The following KIRREL3 variants were observed in gnomAD, a reference collection of about 807,000 sequenced individuals.
KIRREL3 encodes the protein kirre like nephrin family adhesion molecule 3.
A neutral mutation model predicts 89.7 loss-of-function variants in KIRREL3; 36 were observed. That is an observed-to-expected ratio of 0.40 (90% CI 0.31 to 0.53). The LOEUF is 0.53. Ranked by LOEUF, KIRREL3 falls within the 20% of genes least tolerant of loss-of-function variation. The probability of loss-of-function intolerance (pLI) is 0.49; values close to 1 mark genes in which losing one functional copy is unlikely to be tolerated. For synonymous variants in KIRREL3, 445 were observed against 441.4 expected, an observed-to-expected ratio of 1.01 and a Z score of -0.10; for missense variants, 864 against 1,056.6, an observed-to-expected ratio of 0.82 and a Z score of 2.53.
intron 1 of KIRREL3, among the ~76,000 whole-genome samples, chr11:126,741,099 G>A (rs983376087): frequency 6.6e-6 from 1 of 152,142 alleles, no homozygotes; most frequent in African/African-American, 2.4e-5. Context: ...AACAGGAAGA[G>A]GCAATTCAGG....
chr11:126,514,760 C>T (rs762560634), intron 4 of KIRREL3, among the ~76,000 whole-genome samples: 8 of 152,202 alleles, frequency 5.3e-5, no homozygotes, highest in Non-Finnish European at 1.0e-4. Context: ...AGCTAGGTTT[C>T]AAGTGCGGGC....
At chr11:126,469,581 C>T (rs899137947) in intron 5 of KIRREL3, among the ~76,000 whole-genome samples, 1 of 152,232 alleles carries the variant, frequency 6.6e-6, no homozygotes, top group African/African-American at 2.4e-5. Flanking sequence ...GTAGCTTCTC[C>T]CTGCCCGGCA....
chr11:126,480,822 C>T (rs1321621250), intron 4 of KIRREL3, among the ~76,000 whole-genome samples: 7 of 152,340 alleles, frequency 4.6e-5, no homozygotes, highest in African/African-American at 1.7e-4. Context: ...TTGTAGTCCG[C>T]CCAGCTCTTT....
intron 1 of KIRREL3, among the ~76,000 whole-genome samples, chr11:126,893,904 A>G (rs1946029441): frequency 6.6e-6 from 1 of 152,244 alleles, no homozygotes; most frequent in African/African-American, 2.4e-5. Context: ...AAAACTCATA[A>G]GATGGTCTCT....
rs547879068 is a variant in KIRREL3 at position 126,551,339 on chromosome 11, C to G, written c.133+11496G>C. Among the ~76,000 whole-genome samples the G allele has an allele frequency of 6.6e-6, 1 of 152,182 alleles. No individual in the cohort carries two copies. Among genetic ancestry groups the G allele is most frequent in the South Asian group, 2.1e-4 (1 of 4,822 alleles). ...GAAAGGTTAGAGTCCTGCGATGGGG[C>G]AGGGGAAAGGAGGGCCGGAGAGAGA... On this transcript the variant is annotated intron_variant, in intron 2 of 16. Transcript: ENST00000525144. This position sits in a 1 kb window ranked among gnomAD's most constrained non-coding sequence, Gnocchi z 4.9.
chr11:126,797,957 G>T lies in KIRREL3; in HGVS notation c.55+202498C>A, dbSNP rs1950865332. 6.6e-6 allele frequency among the ~76,000 whole-genome samples: 1 copy of T among 152,200 alleles called. No individual in the cohort carries two copies. Among genetic ancestry groups the T allele is most frequent in the Admixed American group, 6.5e-5 (1 of 15,282 alleles). On this transcript the variant is annotated intron_variant, in intron 1 of 16. Transcript: ENST00000525144. The surrounding 1 kb of genome is among the most constrained non-coding windows in gnomAD (Gnocchi z 4.9). ...CTGCAAAGTAACACATGGGCTGTTT[G>T]TGCTTTTGCTAACTCCTGTGTGCTC...
rs1180898906 is a variant in KIRREL3 at position 126,535,216 on chromosome 11, C to T, written c.134-8529G>A. ...CTCCTGACTGCTCTTCCCAAAAGCC[C>T]CCTCTAGATTTCCCTCCTGCGCTTA... On this transcript the variant is annotated intron_variant, in intron 2 of 16. Coordinates refer to ENST00000525144, the MANE Select transcript of KIRREL3 (RefSeq NM_032531.4). The surrounding 1 kb of genome is among the most constrained non-coding windows in gnomAD (Gnocchi z 4.5). Among the ~76,000 whole-genome samples, 1 of 152,122 alleles carries T rather than the reference C, an allele frequency of 6.6e-6. No homozygotes were observed. Among genetic ancestry groups the T allele is most frequent in the Non-Finnish European group, 1.5e-5 (1 of 68,014 alleles).
chr11:126,453,026 T>TC (rs1334466634), intron 7 of KIRREL3, among the ~76,000 whole-genome samples: 1 of 152,054 alleles, frequency 6.6e-6, no homozygotes, highest in Non-Finnish European at 1.5e-5. Flanking sequence ...TTCTTCCCTG[T>TC]CCTTCCTCTT....
rs557342022 is a variant in KIRREL3, at chr11:126,777,532, C to T, written c.56-214620G>A. Among the ~76,000 whole-genome samples the T allele has an allele frequency of 3.3e-5, 5 of 152,244 alleles. No homozygotes were observed. In the South Asian group the frequency reaches 8.3e-4, roughly 25 times the overall value. On this transcript the variant is annotated intron_variant, in intron 1 of 16. Transcript: ENST00000525144. ...TTAAAAGGCCAGAGCAGAGCTGACT[C>T]CCAGCACAGGGCTCTTTCCATCCTA...
chr11:126,619,394 T>C (rs1011535343), intron 1 of KIRREL3, among the ~76,000 whole-genome samples: 1 of 152,192 alleles, frequency 6.6e-6, no homozygotes, highest in African/African-American at 2.4e-5. Context: ...CCACCTGCCA[T>C]AGCGAGGGCT....
intron 1 of KIRREL3, among the ~76,000 whole-genome samples, chr11:126,960,117 T>C (rs1033568841): frequency 2.0e-5 from 3 of 152,052 alleles, no homozygotes; most frequent in Non-Finnish European, 4.4e-5. Context: ...CCATGGGGTA[T>C]AGGGAAGGAG....
At chr11:126,470,997 G>A (rs1179895616) in intron 5 of KIRREL3, among the ~76,000 whole-genome samples, 1 of 152,184 alleles carries the variant, frequency 6.6e-6, no homozygotes, top group African/African-American at 2.4e-5. Context: ...GTTTAAAAAT[G>A]TACCCAGAAT....
intron 1 of KIRREL3, among the ~76,000 whole-genome samples, chr11:126,674,668 G>A (rs1391117013): frequency 2.0e-5 from 3 of 152,186 alleles, no homozygotes; most frequent in African/African-American, 7.2e-5. Flanking sequence ...AAATTTCATG[G>A]CAAGGGCATT....
At chr11:126,691,676 C>T (rs1478663138) in intron 1 of KIRREL3, among the ~76,000 whole-genome samples, 1 of 151,974 alleles carries the variant, frequency 6.6e-6, no homozygotes, top group Non-Finnish European at 1.5e-5. Flanking sequence ...ACATAAGATT[C>T]GAGAAAGTGC....
intron 1 of KIRREL3, among the ~76,000 whole-genome samples, chr11:126,588,792 G>C (rs1333406701): frequency 1.3e-5 from 2 of 152,218 alleles, no homozygotes; most frequent in African/African-American, 4.8e-5. Context: ...CAGTTAGGAG[G>C]CATGCTCAGG....
intron 1 of KIRREL3, among the ~76,000 whole-genome samples, chr11:126,827,404 C>T (rs1346672161): frequency 1.3e-5 from 2 of 152,092 alleles, no homozygotes; most frequent in Non-Finnish European, 2.9e-5. Context: ...TCTGGAACTC[C>T]TGACCTCGTG....
chr11:126,743,320 C>G (rs1949041601), intron 1 of KIRREL3, among the ~76,000 whole-genome samples: 1 of 152,160 alleles, frequency 6.6e-6, no homozygotes, highest in South Asian at 2.1e-4. Flanking sequence ...TCTACAGGTG[C>G]TGGCTGGCTA....
Position 126,462,787 on chromosome 11 carries a change from A to G in KIRREL3, c.742+370T>C, listed in dbSNP as rs558431646. On this transcript the variant is annotated intron_variant, in intron 6 of 16. Transcript: ENST00000525144. The surrounding 1 kb of genome is among the most constrained non-coding windows in gnomAD (Gnocchi z 4.8). ...TCTCCAGAGCACAGCGCTGCTTGCC[A>G]ATTCTGAAGCCTGGGGACCCTTCAA... Among the ~76,000 whole-genome samples, 3 of 152,240 alleles carry G rather than the reference A, an allele frequency of 2.0e-5. No homozygotes were observed. The highest frequency in any genetic ancestry group is 4.4e-5 in the Non-Finnish European group (3 of 68,006).
rs1442071969 is a variant in KIRREL3, at chr11:126,558,582, T to C, written c.133+4253A>G. ...CTGCATGCTCTTGGGCCATGCTGTG[T>C]TATTGGGTTGCACTGTAATCTCTAG... On this transcript the variant is annotated intron_variant, in intron 2 of 16. Transcript: ENST00000525144. The surrounding 1 kb of genome is among the most constrained non-coding windows in gnomAD (Gnocchi z 4.0). 1.3e-5 allele frequency among the ~76,000 whole-genome samples: 2 copies of C among 152,136 alleles called. No individual in the cohort carries two copies. Among genetic ancestry groups the C allele is most frequent in the African/African-American group, 4.8e-5 (2 of 41,430 alleles).
Sources: allele counts gnomAD v4.1 joint callset (sites outside exome capture counted in the v4.1 genomes callset), GRCh38; gene constraint gnomAD v4.1.1; non-coding constraint Gnocchi (gnomAD v3.1); transcripts MANE v1.5; gene names NCBI Gene and HGNC (gene_info 2026-07-23, HGNC 2026-07-21).